Variants in SHISA9 observed in about 807,000 individuals in gnomAD.
The protein encoded by SHISA9 is protein shisa-9.
SHISA9 carries 13 observed loss-of-function variants against 38.0 expected under a neutral mutation model. The observed-to-expected ratio is 0.34, with a 90% CI of 0.22 to 0.54. SHISA9 has a LOEUF of 0.54. Among genes scored for constraint, SHISA9 ranks in the 20% least tolerant of loss-of-function variants. The pLI is 0.91. For missense variants in SHISA9, 538 were observed against 575.8 expected, an observed-to-expected ratio of 0.93 and a Z score of 0.67; for synonymous variants, 275 against 242.0, an observed-to-expected ratio of 1.14 and a Z score of -1.27.
At chr16:13,368,357 A>G in the SHISA9 span, among the ~76,000 whole-genome samples, 1 of 152,160 alleles carries the variant, frequency 6.6e-6, no homozygotes, top group African/African-American at 2.4e-5. Flanking sequence ...CTAACCTTAC[A>G]TGTTCTGAAA....
chr16:13,189,081 A>C (rs911794357), intron 2 of SHISA9, among the ~76,000 whole-genome samples: 2 of 152,256 alleles, frequency 1.3e-5, no homozygotes, highest in African/African-American at 4.8e-5. Context: ...GAACCCTCCC[A>C]AGGAACTATC....
chr16:13,305,128 C>A, the SHISA9 span, among the ~76,000 whole-genome samples: 24 of 152,092 alleles, frequency 1.6e-4, no homozygotes, highest in African/African-American at 5.3e-4. Flanking sequence ...CGTCTGAACA[C>A]GAAATTCATT....
At chr16:13,480,321 C>T in the SHISA9 span, among the ~76,000 whole-genome samples, 970 of 152,246 alleles carry the variant, frequency 6.4e-3, 12 homozygotes, top group African/African-American at 0.022. Flanking sequence ...CAGTCGGTGC[C>T]AGCTCCTCCT....
At chr16:13,557,803 C>G in the SHISA9 span, among the ~76,000 whole-genome samples, 1,407 of 152,230 alleles carry the variant, frequency 9.2e-3, 26 homozygotes, top group African/African-American at 0.032. Context: ...TTCGCCATCT[C>G]ATCAATCTCA....
At chr16:13,434,031 C>T in the SHISA9 span, among the ~76,000 whole-genome samples, 3 of 152,180 alleles carry the variant, frequency 2.0e-5, no homozygotes, top group South Asian at 6.2e-4. Context: ...ATACCCAGTA[C>T]GAGTCCCAAA....
At chr16:13,330,830 G>A in the SHISA9 span, among the ~76,000 whole-genome samples, 1 of 152,164 alleles carries the variant, frequency 6.6e-6, no homozygotes, top group African/African-American at 2.4e-5. Context: ...TTGACCAAAA[G>A]GCCAGCGGGG....
chr16:13,317,761 T>C, the SHISA9 span, among the ~76,000 whole-genome samples: 1 of 152,216 alleles, frequency 6.6e-6, no homozygotes, highest in Non-Finnish European at 1.5e-5. Flanking sequence ...TGTCCCTTCA[T>C]GTGTCAAACT....
chr16:13,359,360 G>C, the SHISA9 span, among the ~76,000 whole-genome samples: 1 of 152,122 alleles, frequency 6.6e-6, no homozygotes. Context: ...GTGGGCACCT[G>C]TAATCCCAGG....
chr16:13,292,364 G>C, the SHISA9 span, among the ~76,000 whole-genome samples: 1 of 152,150 alleles, frequency 6.6e-6, no homozygotes, highest in South Asian at 2.1e-4. Context: ...TACCAAGAAA[G>C]GCTTGGGTTT....
At position 13,184,606 on chromosome 16, in the gene SHISA9, G is replaced by T. The variant is rs570064052; in HGVS notation, c.692-18788G>T. On this transcript the variant is annotated intron_variant, in intron 2 of 4. Transcript: ENST00000558583. ...GTTTTGTTCCCCCACCACCAATTCC[G>T]TTGTTCTGCACTTTTATGGCCTTTG... 2.6e-5 allele frequency among the ~76,000 whole-genome samples: 4 copies of T among 152,122 alleles called. No homozygotes were observed. The South Asian group carries it at 8.3e-4, about 32-fold the overall frequency.
At chr16:13,047,422 T>C (rs575745186) in intron 2 of SHISA9, among the ~76,000 whole-genome samples, 4 of 152,108 alleles carry the variant, frequency 2.6e-5, no homozygotes, top group African/African-American at 7.2e-5. Context: ...CAGCCCCAGA[T>C]TGTGGCAGAT....
chr16:13,048,814 C>G (rs2073216331), intron 2 of SHISA9, among the ~76,000 whole-genome samples: 1 of 152,098 alleles, frequency 6.6e-6, no homozygotes, highest in South Asian at 2.1e-4. Context: ...CAAGATAACT[C>G]CATAATAGGT....
chr16:13,305,531 C>T, the SHISA9 span, among the ~76,000 whole-genome samples: 5 of 152,172 alleles, frequency 3.3e-5, no homozygotes, highest in Non-Finnish European at 5.9e-5. Flanking sequence ...CTCTCCCTTG[C>T]TTGCTCTGCT....
At chr16:13,146,187 C>T (rs747316482) in intron 2 of SHISA9, among the ~76,000 whole-genome samples, 1 of 152,098 alleles carries the variant, frequency 6.6e-6, no homozygotes, top group African/African-American at 2.4e-5. Flanking sequence ...GAGTGAGACT[C>T]CGTCTCAATG....
intron 1 of SHISA9, chr16:12,910,724 T>C (rs1175489058): frequency 1.0e-6 from 1 of 985,084 alleles, no homozygotes; most frequent in African/African-American, 1.7e-5. Context: ...CTTCTTCAGG[T>C]AACTGCAAGA....
chr16:13,083,836 C>A (rs2073681147), intron 2 of SHISA9, among the ~76,000 whole-genome samples: 1 of 152,120 alleles, frequency 6.6e-6, no homozygotes, highest in Admixed American at 6.5e-5. Flanking sequence ...CATTCACAGC[C>A]TCTGGGGGAT....
At chr16:13,276,957 G>A in the SHISA9 span, among the ~76,000 whole-genome samples, 5 of 151,976 alleles carry the variant, frequency 3.3e-5, no homozygotes, top group African/African-American at 1.2e-4. Flanking sequence ...TATTGCATTT[G>A]CTTTTGGGTT....
the SHISA9 span, among the ~76,000 whole-genome samples, chr16:13,395,651 TAGACCATA>T: frequency 6.6e-6 from 1 of 152,270 alleles, no homozygotes; most frequent in South Asian, 2.1e-4. Flanking sequence ...TCTTTCCTGG[TAGACCATA>T]AGCTCTTGCA....
intron 4 of SHISA9, 150 bp downstream of exon 4, chr16:13,213,450 G>T: frequency 4.5e-6 from 3 of 660,956 alleles, no homozygotes; most frequent in Non-Finnish European, 7.8e-6. Flanking sequence ...AAGTTCCAGT[G>T]TGTAGGTGTT....
Sources: allele counts gnomAD v4.1 joint callset (sites outside exome capture counted in the v4.1 genomes callset), GRCh38; gene constraint gnomAD v4.1.1; transcripts MANE v1.5; gene names NCBI Gene and HGNC (gene_info 2026-07-23, HGNC 2026-07-21).